ZNF654: variants seen among roughly 807,000 people sequenced by gnomAD.
ZNF654 encodes the protein zinc finger protein 654, also known as melanoma-associated antigen.
A neutral mutation model predicts 95.3 loss-of-function variants in ZNF654; 19 were observed. That is an observed-to-expected ratio of 0.20 (90% confidence interval 0.14 to 0.29). The LOEUF (loss-of-function observed/expected upper bound fraction) is 0.29, where lower values mean the gene tolerates loss of function less well. Ranked by LOEUF, ZNF654 falls within the 10% of genes least tolerant of loss-of-function variation. The pLI, the probability that ZNF654 is intolerant of heterozygous loss-of-function variation, is 1.00. For synonymous variants in ZNF654, 413 were observed against 457.9 expected, an observed-to-expected ratio of 0.90 and a Z score of 1.25; for missense variants, 1,046 against 1,341.0, an observed-to-expected ratio of 0.78 and a Z score of 3.44.
At chr3:88,117,235 A>T (rs1299180855) in intron 3 of ZNF654, among the ~76,000 whole-genome samples, 1 of 152,208 alleles carries the variant, frequency 6.6e-6, no homozygotes, top group African/African-American at 2.4e-5. Flanking sequence ...ACTCATAATT[A>T]CTTACAGACA....
At chr3:88,063,059 G>A (rs1345721859) in intron 1 of ZNF654, among the ~76,000 whole-genome samples, 1 of 152,138 alleles carries the variant, frequency 6.6e-6, no homozygotes, top group Admixed American at 6.5e-5. Context: ...AACTGTGGCG[G>A]GGTTCTCAGA....
intron 3 of ZNF654, among the ~76,000 whole-genome samples, chr3:88,114,018 G>A (rs559080033): frequency 1.2e-4 from 19 of 152,128 alleles, no homozygotes; most frequent in African/African-American, 2.2e-4. Context: ...TCCATTCTCC[G>A]TAATCCATTC....
intron 5 of ZNF654, 131 bp downstream of exon 5, chr3:88,129,142 C>T (rs1171455905): frequency 3.1e-6 from 2 of 640,184 alleles, no homozygotes; most frequent in Non-Finnish European, 5.1e-6. Context: ...ATTACATTAT[C>T]TGGATGTGTT....
intron 2 of ZNF654, among the ~76,000 whole-genome samples, chr3:88,097,362 G>GTTTTTT (rs762086335): frequency 7.0e-6 from 1 of 143,818 alleles, no homozygotes; most frequent in East Asian, 2.0e-4. Context: ...TTTGTCAACA[G>GTTTTTT]TTTTTTTTTT....
rs1380097535 is a variant in ZNF654, at chr3:88,131,300, T to A, written c.893+1474T>A. On this transcript the variant is annotated intron_variant, in intron 6 of 8. Transcript: ENST00000636215. Reference sequence around the variant, plus strand: ...ATACGCAGTCTTCTGTTCACTGAAATGTTGTTACACTGCGTATAACTGTAG... The same window carrying A: ...ATACGCAGTCTTCTGTTCACTGAAAAGTTGTTACACTGCGTATAACTGTAG... Among the ~76,000 whole-genome samples, 3 of 152,350 alleles carry A rather than the reference T, an allele frequency of 2.0e-5. No individual in the cohort carries two copies. In the East Asian group the frequency reaches 5.8e-4, roughly 29 times the overall value.
intron 7 of ZNF654, among the ~76,000 whole-genome samples, chr3:88,138,266 T>C (rs1410852535): frequency 6.6e-6 from 1 of 152,134 alleles, no homozygotes; most frequent in Non-Finnish European, 1.5e-5. Flanking sequence ...CCATAAGCAG[T>C]TTTTTTAAGC....
chr3:88,115,898 T>TAGGATGGGAACTTTATGTCAGTTGCTC (rs1705360030), intron 3 of ZNF654, among the ~76,000 whole-genome samples: 1 of 152,106 alleles, frequency 6.6e-6, no homozygotes, highest in Non-Finnish European at 1.5e-5. Flanking sequence ...TGCTGGAAAT[T>TAGGATGGGAACTTTATGTCAGTTGCTC]AGGATGGGAA....
chr3:88,138,877 G>C lies in ZNF654; in HGVS notation c.1208G>C (p.Arg403Pro). Residue 403 changes from arginine to proline, a missense_variant, in exon 8 of 9, where the codon CGC (arginine) becomes CCC (proline). By Grantham distance (103) the Arg-to-Pro change is moderately radical. Transcript: ENST00000636215. ...GCACTCTCAATATTTTTTCTGGAGC[G>C]CTCCTTAGAAGCGTATCGTACTGTT... ...ICALSIFFLERSLEAYRTVEE... is the reference protein window; with the variant it reads ...ICALSIFFLEPSLEAYRTVEE... 1 of 1,231,990 alleles carries C rather than the reference G, an allele frequency of 8.1e-7. No individual in the cohort carries two copies. The highest frequency in any genetic ancestry group is 1.0e-6 in the Non-Finnish European group (1 of 987,930). The allele number at this position is 1,231,990 out of a possible 1,614,324, so 76.3% of individuals were successfully genotyped here. A position where few individuals can be genotyped will look rare whatever the true frequency, so the allele number is the denominator to read the frequency against.
chr3:88,092,081 A>G (rs987839281), intron 2 of ZNF654, among the ~76,000 whole-genome samples: 2 of 152,224 alleles, frequency 1.3e-5, no homozygotes, highest in African/African-American at 4.8e-5. Context: ...CTTAGAAGGA[A>G]AACTTTTTGC....
At chr3:88,128,288 T>A (rs1350038455) in intron 4 of ZNF654, among the ~76,000 whole-genome samples, 2 of 152,116 alleles carry the variant, frequency 1.3e-5, no homozygotes, top group African/African-American at 4.8e-5. Context: ...TTGGCACTAC[T>A]TTTGGATTAA....
At chr3:88,101,093 A>T (rs1458337012) in intron 2 of ZNF654, among the ~76,000 whole-genome samples, 1 of 152,134 alleles carries the variant, frequency 6.6e-6, no homozygotes, top group African/African-American at 2.4e-5. Context: ...CTCCTTACCC[A>T]TTGCTAGTTA....
intron 1 of ZNF654, among the ~76,000 whole-genome samples, chr3:88,071,604 C>A (rs575118694): frequency 6.6e-6 from 1 of 151,794 alleles, no homozygotes; most frequent in Non-Finnish European, 1.5e-5. Context: ...CCACTGCACT[C>A]CAGCCTGGGT....
intron 3 of ZNF654, among the ~76,000 whole-genome samples, chr3:88,114,227 A>G (rs181355490): frequency 6.6e-6 from 1 of 152,232 alleles, no homozygotes; most frequent in African/African-American, 2.4e-5. Flanking sequence ...ATAAAGGAGG[A>G]TGGGGATAGT....
rs58079813 is a variant in ZNF654, at chr3:88,139,135, C to T, written c.1466C>T (p.Thr489Met). The change falls in exon 8 of 9, where the codon ACG (threonine) becomes ATG (methionine). Residue 489 changes from threonine (T) to methionine (M), a missense_variant. Coordinates refer to ENST00000636215, the MANE Select transcript of ZNF654 (RefSeq NM_001350134.2). ...AATAATGCAGGTAATCTAAAAAGGA[C>T]GGAGGAACAGCAAGGTTTGGATGAA... ...LENNAGNLKR[T>M]EEQQGLDEGF... 2,074 of 1,299,662 alleles carry T rather than the reference C, an allele frequency of 1.6e-3. 24 individuals are homozygous for T. The African/African-American group carries it at 0.027, about 17-fold the overall frequency. The allele number at this position is 1,299,662 out of a possible 1,614,324, so 80.5% of individuals were successfully genotyped here.
intron 2 of ZNF654, among the ~76,000 whole-genome samples, chr3:88,105,274 T>G (rs1290228702): frequency 1.3e-5 from 1 of 77,684 alleles, no homozygotes; most frequent in Non-Finnish European, 3.2e-5. Flanking sequence ...ATACATACAT[T>G]TTTCCACCCT....
intron 5 of ZNF654, 49 bp downstream of exon 5, chr3:88,129,060 A>G: frequency 7.4e-7 from 1 of 1,344,186 alleles, no homozygotes; most frequent in Non-Finnish European, 9.9e-7. Flanking sequence ...CCCTACCAAA[A>G]AAAAACCAAA....
At chr3:88,104,887 C>A (rs1482943249) in intron 2 of ZNF654, among the ~76,000 whole-genome samples, 1 of 152,270 alleles carries the variant, frequency 6.6e-6, no homozygotes, top group African/African-American at 2.4e-5. Context: ...GCCTGTAATC[C>A]CAGCACTTTG....
chr3:88,105,140 GAAAAC>G (rs1403294205), intron 2 of ZNF654, among the ~76,000 whole-genome samples: 8 of 152,084 alleles, frequency 5.3e-5, no homozygotes, highest in Admixed American at 5.2e-4. Context: ...CTCCATCTCA[GAAAAC>G]AAACATAAAT....
chr3:88,070,582 TTTTTTTTG>T (rs1707455816), intron 1 of ZNF654, among the ~76,000 whole-genome samples: 1 of 59,504 alleles, frequency 1.7e-5, no homozygotes, highest in African/African-American at 3.9e-5. Context: ...TTTTTTTTTT[TTTTTTTTG>T]CAGATCATAT....
Sources: gnomAD v4.1 joint callset for allele counts (sites outside exome capture counted in the v4.1 genomes callset) on GRCh38, gnomAD v4.1.1 for gene constraint, MANE v1.5 for transcripts, NCBI Gene and HGNC (gene_info 2026-07-23, HGNC 2026-07-21) for gene names.